Variants in AGR2 observed in about 807,000 individuals in gnomAD.
AGR2 encodes the protein anterior gradient protein 2 homolog.
Under a neutral mutation model 25.9 loss-of-function variants are expected in AGR2, and 27 were observed. The ratio of observed to expected loss-of-function variants is 1.04; its 90% CI spans 0.77 to 1.44. The LOEUF is 1.44. AGR2 is among the 40% of genes most tolerant of loss of function. The pLI, the probability that AGR2 is intolerant of heterozygous loss-of-function variation, is 0.00. For missense variants in AGR2, 182 were observed against 200.9 expected (o/e 0.91, Z 0.57); for synonymous variants, 78 against 72.0 (o/e 1.08, Z -0.42).
chr7:16,799,515 G>T, intron 5 of AGR2: 1 of 465,238 alleles, frequency 2.1e-6, no homozygotes, highest in Non-Finnish European at 3.8e-6. Flanking sequence ...CTGACTACGG[G>T]AGATAATTTT....
intron 1 of AGR2, chr7:16,803,319 T>G (rs946986433): frequency 6.6e-6 from 1 of 152,126 alleles, no homozygotes; most frequent in African/African-American, 2.4e-5. Flanking sequence ...CATGGAAGGC[T>G]GGAGATTTGG....
At chr7:16,796,241 G>C (rs1339504456) in intron 6 of AGR2, among the ~76,000 whole-genome samples, 2 of 152,312 alleles carry the variant, frequency 1.3e-5, no homozygotes, top group East Asian at 3.9e-4. Flanking sequence ...TCTTAGGACT[G>C]AAGGAATTGA....
chr7:16,795,513 C>T (rs1481657590), intron 6 of AGR2, among the ~76,000 whole-genome samples: 2 of 152,024 alleles, frequency 1.3e-5, no homozygotes, highest in Admixed American at 6.6e-5. Context: ...TTCAAATAAG[C>T]ATATAGTACC....
At chr7:16,794,236 C>T (rs1454051983) in intron 7 of AGR2, among the ~76,000 whole-genome samples, 1 of 82,706 alleles carries the variant, frequency 1.2e-5, no homozygotes, top group Non-Finnish European at 3.1e-5. Flanking sequence ...GAATGAATTT[C>T]TAACTTTAAC....
intron 6 of AGR2, 101 bp downstream of exon 6, chr7:16,797,530 C>T: frequency 1.1e-6 from 1 of 912,052 alleles, no homozygotes; most frequent in Non-Finnish European, 1.7e-6. Context: ...TTAGTGATGA[C>T]ATTGGCCATG....
At chr7:16,797,499 T>C in intron 6 of AGR2, 132 bp downstream of exon 6, 2 of 632,700 alleles carry the variant, frequency 3.2e-6, no homozygotes, top group African/African-American at 1.8e-5. Context: ...CTTAAAGGAA[T>C]GTCATGCTCC....
chr7:16,794,549 G>A, intron 7 of AGR2: 1 of 388,958 alleles, frequency 2.6e-6, no homozygotes, highest in Non-Finnish European at 4.6e-6. Flanking sequence ...TTTTAAGCTG[G>A]ACTGCACATT....
chr7:16,793,899 A>T (rs1423412604), intron 7 of AGR2, among the ~76,000 whole-genome samples: 1 of 152,204 alleles, frequency 6.6e-6, no homozygotes, highest in Non-Finnish European at 1.5e-5. Context: ...TCTTCCTACA[A>T]ATCTTAATTA....
At chr7:16,799,490 G>A in intron 5 of AGR2, 1 of 412,196 alleles carries the variant, frequency 2.4e-6, no homozygotes, top group Non-Finnish European at 4.3e-6. Context: ...AAACCTTCCA[G>A]CAACAGAAAA....
intron 5 of AGR2, among the ~76,000 whole-genome samples, chr7:16,799,377 G>C (rs1785102570): frequency 6.6e-6 from 1 of 152,126 alleles, no homozygotes; most frequent in Admixed American, 6.5e-5. Flanking sequence ...GGCATGATTA[G>C]AGTTGGAAAG....
rs1369317869 is a variant in AGR2, at chr7:16,801,386, A to G, written c.140-3T>C. The G allele has an allele frequency of 6.2e-7, 1 of 1,612,198 alleles. No homozygotes were observed. The highest frequency in any genetic ancestry group is 1.7e-5 in the Admixed American group (1 of 59,938). ...CCAGATGAGTTGGTCACCCCAACCT[A>G]GAATGAAATGAATCAGTATATTTGA... On this transcript the variant is annotated splice_polypyrimidine_tract_variant and splice_region_variant and intron_variant, in intron 2 of 7. Coordinates refer to ENST00000419304, the MANE Select transcript of AGR2 (RefSeq NM_006408.4).
intron 2 of AGR2, 50 bp from the exon 3 acceptor site, chr7:16,801,433 A>G (rs762204901): frequency 1.9e-6 from 3 of 1,552,782 alleles, no homozygotes; most frequent in South Asian, 2.3e-5. Context: ...ATTCAGACCC[A>G]AAGCTGTTGA....
rs530369243 is a variant in AGR2 at position 16,792,515 on chromosome 7, T to C, written c.*393A>G. 1.0e-5 allele frequency: 2 copies of C among 192,184 alleles called. No individual in the cohort carries two copies. The highest frequency in any genetic ancestry group is 4.7e-5 in the African/African-American group (2 of 42,556). The allele number at this position is 192,184 out of a possible 1,614,324, so 11.9% of individuals were successfully genotyped here. A position where few individuals can be genotyped will look rare whatever the true frequency, so the allele number is the denominator to read the frequency against. On this transcript the variant is annotated 3_prime_UTR_variant, in exon 8 of 8. Coordinates refer to ENST00000419304, the MANE Select transcript of AGR2 (RefSeq NM_006408.4). ...CATCTAGTGAGAACCTGTGGTGTGG[T>C]GAGATGATAACTTGGTCTTTGGTCT...
At position 16,798,176 on chromosome 7, in the gene AGR2, G is replaced by C. The variant is rs115089837; in HGVS notation, c.331-482C>G. ...TAGGAAAATGAATATTGAGGATGCA[G>C]TGGGTGAAATGTTACGGTGTAGGAT... On this transcript the variant is annotated intron_variant, in intron 5 of 7. Transcript: ENST00000419304. Among the ~76,000 whole-genome samples the C allele has an allele frequency of 6.2e-3, 951 of 152,334 alleles. 13 individuals are homozygous for C. The highest frequency in any genetic ancestry group is 0.022 in the African/African-American group (897 of 41,574).
intron 6 of AGR2, among the ~76,000 whole-genome samples, chr7:16,796,011 CT>C (rs1380693506): frequency 9.2e-5 from 14 of 152,180 alleles, no homozygotes; most frequent in Non-Finnish European, 1.6e-4. Flanking sequence ...CTAAGAAGGG[CT>C]TTTTAAATAC....
intron 1 of AGR2, among the ~76,000 whole-genome samples, chr7:16,802,257 T>G (rs1434465827): frequency 6.6e-6 from 1 of 152,204 alleles, no homozygotes; most frequent in Admixed American, 6.5e-5. Flanking sequence ...AATTTATAAT[T>G]TCAACTTTAT....
At chr7:16,801,514 A>C (rs1384243866) in intron 2 of AGR2, 131 bp from the exon 3 acceptor site, 1 of 1,343,722 alleles carries the variant, frequency 7.4e-7, no homozygotes. Flanking sequence ...AGAAAGTAGA[A>C]ATAATTATAA....
intron 1 of AGR2, among the ~76,000 whole-genome samples, chr7:16,803,655 T>G (rs1185013197): frequency 6.6e-6 from 1 of 152,192 alleles, no homozygotes; most frequent in African/African-American, 2.4e-5. Flanking sequence ...ATATACTTTG[T>G]TCATTTTCTA....
chr7:16,800,201 G>C (rs929622642), intron 4 of AGR2, among the ~76,000 whole-genome samples: 3 of 152,228 alleles, frequency 2.0e-5, no homozygotes, highest in Admixed American at 6.5e-5. Flanking sequence ...GATACTTTCA[G>C]GTAGAGATAT....
Sources: gnomAD v4.1 joint callset for allele counts (sites outside exome capture counted in the v4.1 genomes callset) on GRCh38, gnomAD v4.1.1 for gene constraint, MANE v1.5 for transcripts, NCBI Gene and HGNC (gene_info 2026-07-23, HGNC 2026-07-21) for gene names.